Variants in NXPE2 observed in about 807,000 individuals in gnomAD.
NXPE2 encodes NXPE family member 2.
NXPE2 carries 34 observed loss-of-function variants against 34.4 expected under a neutral mutation model. The observed-to-expected ratio is 0.99, with a 90% confidence interval of 0.75 to 1.31. The LOEUF is 1.31. NXPE2 is among the 40% of genes most tolerant of loss of function. The pLI is 0.00. For synonymous variants in NXPE2, 235 were observed against 231.3 expected, an observed-to-expected ratio of 1.02 and a Z score of -0.15; for missense variants, 649 against 672.5, an observed-to-expected ratio of 0.97 and a Z score of 0.39.
chr11:114,476,679 A>G, the NXPE2 span, among the ~76,000 whole-genome samples: 1 of 152,172 alleles, frequency 6.6e-6, no homozygotes, highest in African/African-American at 2.4e-5. Context: ...AGAGCCCCTT[A>G]TAAAACCATC....
At chr11:114,585,478 C>T in the NXPE2 span, among the ~76,000 whole-genome samples, 1 of 151,974 alleles carries the variant, frequency 6.6e-6, no homozygotes, top group South Asian at 2.1e-4. Context: ...GCAGGAGTCA[C>T]TATGCTTATA....
chr11:114,484,403 CCTCT>C, the NXPE2 span, among the ~76,000 whole-genome samples: 1 of 151,990 alleles, frequency 6.6e-6, no homozygotes, highest in Admixed American at 6.6e-5. Flanking sequence ...GTGCTCTCTC[CCTCT>C]CTCTTTTTCT....
upstream of NXPE2, among the ~76,000 whole-genome samples, chr11:114,678,139 C>A (rs920622007): frequency 6.6e-6 from 1 of 152,190 alleles, no homozygotes; most frequent in Middle Eastern, 3.4e-3. Flanking sequence ...AATTCTCAGG[C>A]CTTCAGGAAC....
chr11:114,573,788 C>T, the NXPE2 span, among the ~76,000 whole-genome samples: 18 of 152,000 alleles, frequency 1.2e-4, no homozygotes, highest in Admixed American at 3.9e-4. Flanking sequence ...CCACTGACAG[C>T]GCTAGACTGG....
the NXPE2 span, among the ~76,000 whole-genome samples, chr11:114,609,278 C>A: frequency 6.6e-6 from 1 of 151,890 alleles, no homozygotes; most frequent in African/African-American, 2.4e-5. Flanking sequence ...TCATTGGTAA[C>A]CACTGTTACC....
chr11:114,533,844 G>C, the NXPE2 span, among the ~76,000 whole-genome samples: 2 of 152,230 alleles, frequency 1.3e-5, no homozygotes, highest in Non-Finnish European at 2.9e-5. Context: ...GCCTCTTTAG[G>C]CTCCACCTCT....
At chr11:114,535,818 G>A in the NXPE2 span, among the ~76,000 whole-genome samples, 2 of 151,852 alleles carry the variant, frequency 1.3e-5, no homozygotes, top group African/African-American at 2.4e-5. Flanking sequence ...CTTAGACTCC[G>A]ACACAATAAT....
chr11:114,635,995 G>T, the NXPE2 span, among the ~76,000 whole-genome samples: 1 of 151,998 alleles, frequency 6.6e-6, no homozygotes, highest in Non-Finnish European at 1.5e-5. Flanking sequence ...GAGTTAGGGA[G>T]GATTCCCTCT....
At chr11:114,537,894 C>G in the NXPE2 span, among the ~76,000 whole-genome samples, 1 of 152,086 alleles carries the variant, frequency 6.6e-6, no homozygotes, top group Non-Finnish European at 1.5e-5. Context: ...CCCCATCAAG[C>G]TACCAATGAC....
chr11:114,597,075 T>C, the NXPE2 span, among the ~76,000 whole-genome samples: 174 of 150,976 alleles, frequency 1.2e-3, 3 homozygotes, highest in Middle Eastern at 3.4e-3. Flanking sequence ...TATCTTGAAG[T>C]CTTTATACCA....
the NXPE2 span, among the ~76,000 whole-genome samples, chr11:114,634,404 T>G: frequency 6.6e-6 from 1 of 152,044 alleles, no homozygotes; most frequent in African/African-American, 2.4e-5. Flanking sequence ...TTTCTCCCAT[T>G]TTGTAGGTTG....
the NXPE2 span, among the ~76,000 whole-genome samples, chr11:114,464,397 C>A: frequency 6.6e-6 from 1 of 152,108 alleles, no homozygotes; most frequent in Non-Finnish European, 1.5e-5. Context: ...CCATCCTCAA[C>A]CTACAATGGT....
At chr11:114,509,429 C>T in the NXPE2 span, among the ~76,000 whole-genome samples, 1 of 151,996 alleles carries the variant, frequency 6.6e-6, no homozygotes, top group Non-Finnish European at 1.5e-5. Context: ...GGGTGTATAC[C>T]CAAAGGAATA....
At chr11:114,587,163 C>T in the NXPE2 span, among the ~76,000 whole-genome samples, 1 of 152,240 alleles carries the variant, frequency 6.6e-6, no homozygotes, top group South Asian at 2.1e-4. Context: ...CTTCTTTGAA[C>T]AAGAAAACTC....
At chr11:114,758,872 T>A in the NXPE2 span, among the ~76,000 whole-genome samples, 1 of 149,352 alleles carries the variant, frequency 6.7e-6, no homozygotes, top group African/African-American at 2.4e-5. Context: ...TTAATATTTT[T>A]AAAATATAAA....
the NXPE2 span, among the ~76,000 whole-genome samples, chr11:114,479,865 A>C: frequency 6.6e-6 from 1 of 152,154 alleles, no homozygotes; most frequent in Non-Finnish European, 1.5e-5. Context: ...GCTGTACAAG[A>C]AGCATAGGAG....
chr11:114,670,592 T>C, the NXPE2 span, among the ~76,000 whole-genome samples: 11 of 151,986 alleles, frequency 7.2e-5, no homozygotes, highest in African/African-American at 2.7e-4. Context: ...CTTAGGAGGC[T>C]GAGGCAGGAG....
chr11:114,692,052 G>A (rs1380919055), intron 2 of NXPE2, among the ~76,000 whole-genome samples: 2 of 152,194 alleles, frequency 1.3e-5, no homozygotes, highest in Admixed American at 6.5e-5. Context: ...AGTGCCTACT[G>A]CTGGGGAACT....
the NXPE2 span, among the ~76,000 whole-genome samples, chr11:114,521,175 G>A: frequency 6.6e-6 from 1 of 152,160 alleles, no homozygotes; most frequent in Admixed American, 6.6e-5. Flanking sequence ...TAACAGGAAA[G>A]AGGATAAATG....
Sources: allele counts gnomAD v4.1 joint callset (sites outside exome capture counted in the v4.1 genomes callset), GRCh38; gene constraint gnomAD v4.1.1; transcripts MANE v1.5; gene names NCBI Gene and HGNC (gene_info 2026-07-23, HGNC 2026-07-21).